The following BBS4 variants were observed in gnomAD, a reference collection of about 807,000 sequenced individuals.
The protein encoded by BBS4 is BBSome complex member BBS4.
BBS4 carries 58 observed loss-of-function variants against 71.4 expected under a neutral mutation model. The observed-to-expected ratio is 0.81, with a 90% CI of 0.66 to 1.01. The LOEUF (loss-of-function observed/expected upper bound fraction) is 1.01, where lower values mean the gene tolerates loss of function less well. Ranked by LOEUF, BBS4 falls within the 50% of genes least tolerant of loss-of-function variation. BBS4 has a pLI of 0.00. For missense variants in BBS4, 660 were observed against 607.9 expected (o/e 1.09, Z -0.90); for synonymous variants, 228 against 216.8 (o/e 1.05, Z -0.46).
intron 2 of BBS4, among the ~76,000 whole-genome samples, chr15:72,704,036 A>AG (rs1298319197): frequency 6.6e-6 from 1 of 152,058 alleles, no homozygotes; most frequent in Non-Finnish European, 1.5e-5. Flanking sequence ...GCATCCTTAA[A>AG]GGGAGAAAGA....
chr15:72,731,359 C>G lies in BBS4; in HGVS notation c.766C>G (p.Leu256Val), dbSNP rs762950416. 6.2e-7 allele frequency: 1 copy of G among 1,614,130 alleles called. No homozygotes were observed. Among genetic ancestry groups the G allele is most frequent in the Non-Finnish European group, 8.5e-7 (1 of 1,180,032 alleles). ...GACCCACGGGGACTTTGATGTTGCC[C>G]TCACCAAATACAGAGTTGTGGCTTG... is the stretch of plus-strand genomic sequence containing the variant. ...MQTHGDFDVA[L>V]TKYRVVACAV... Residue 256 changes from leucine to valine, a missense_variant, in exon 11 of 16, where the codon CTC becomes GTC. Leu to Val is a conservative substitution (Grantham distance 32). Transcript: ENST00000268057.
Position 72,735,836 on chromosome 15 carries a change from T to G in BBS4, c.1118T>G (p.Leu373Ter). ...EAVHLDKCNP[L>*]VNLNYAVLLY... ...TCTGTCTGCCACAGGTGTAACCCTT[T>G]AGTAAACCTGAACTATGCTGTGCTG... Residue 373 changes from leucine (L) to a stop codon, truncating the protein, a stop_gained, in exon 14 of 16, where the codon TTA (leucine) becomes TGA (stop). Coordinates refer to ENST00000268057, the MANE Select transcript of BBS4 (RefSeq NM_033028.5). LOFTEE classifies it high-confidence loss of function. 1 of 1,614,194 alleles carries G rather than the reference T, an allele frequency of 6.2e-7. No homozygotes were observed. The highest frequency in any genetic ancestry group is 8.5e-7 in the Non-Finnish European group (1 of 1,180,020).
rs1405146451 is a variant in BBS4, at chr15:72,737,876, G to GGT, written c.*290_*291dup. Reference sequence around the variant, plus strand: ...CTTATGTATGTAGCTGAGTCAGCAAGGTACATGATGCTGTCTGCTTTCAAA... The same window carrying GGT: ...CTTATGTATGTAGCTGAGTCAGCAAGGTGTACATGATGCTGTCTGCTTTCAAA... On this transcript the variant is annotated 3_prime_UTR_variant, in exon 16 of 16. Transcript: ENST00000268057. 1 of 474,106 alleles carries GGT rather than the reference G, an allele frequency of 2.1e-6. No homozygotes were observed. The highest frequency in any genetic ancestry group is 4.2e-6 in the Non-Finnish European group (1 of 240,200). 29.4% of individuals were successfully genotyped at this position (474,106 alleles called of 1,614,324 possible). A position where few individuals can be genotyped will look rare whatever the true frequency, so the allele number is the denominator to read the frequency against.
At position 72,729,681 on chromosome 15, in the gene BBS4, C is replaced by T. The variant is rs770211437; in HGVS notation, c.708C>T (p.Tyr236=). ...GNALTYDPTN[Y]KAILAAGSMM... ...CACTGACTTATGACCCTACCAACTA[C>T]AAGGTATTACAGGCTGTGAAGGCTC... The change falls in exon 10 of 16, where the codon TAC becomes TAT. Residue 236 remains tyrosine (Y), a synonymous_variant. Transcript: ENST00000268057. 4.3e-6 allele frequency: 7 copies of T among 1,613,746 alleles called. No homozygotes were observed. The highest frequency in any genetic ancestry group is 3.3e-5 in the Admixed American group (2 of 60,034).
chr15:72,727,959 G>C lies in BBS4; in HGVS notation c.607G>C (p.Glu203Gln), dbSNP rs1447924880. The C allele has an allele frequency of 6.2e-7, 1 of 1,612,872 alleles. No individual in the cohort carries two copies. Among genetic ancestry groups the C allele is most frequent in the East Asian group, 2.2e-5 (1 of 44,862 alleles). ...KAVEFSPENT[E>Q]LLTTLGLLYL... is the part of the protein sequence containing the mutation. ...TTGCAGGTTCTCACCAGAAAATACA[G>C]AGCTTCTTACAACTTTAGGATTACT... The change falls in exon 9 of 16, where the codon GAG (glutamate) becomes CAG (glutamine). Residue 203 changes from glutamate to glutamine, a missense_variant. Transcript: ENST00000268057.
intron 13 of BBS4, 133 bp from the exon 14 acceptor site, chr15:72,735,692 T>G (rs1189349793): frequency 4.4e-6 from 5 of 1,133,550 alleles, no homozygotes; most frequent in Non-Finnish European, 6.6e-6. Context: ...TTAGCACGTA[T>G]GTACCTACCT....
In BBS4 at chr15:72,715,499, G is replaced by A; in HGVS notation, c.332+97G>A. On this transcript the variant is annotated intron_variant, in intron 5 of 15. Coordinates refer to ENST00000268057, the MANE Select transcript of BBS4 (RefSeq NM_033028.5). Reference sequence around the variant, plus strand: ...CTGCTGCTGGCAGCTGCATCAGCCTGATACACAAGTGGGGGAATGGTTTAA... The same window carrying A: ...CTGCTGCTGGCAGCTGCATCAGCCTAATACACAAGTGGGGGAATGGTTTAA... 3.6e-6 allele frequency: 3 copies of A among 838,802 alleles called. No individual in the cohort carries two copies. In the Admixed American group the frequency reaches 5.2e-5, roughly 15 times the overall value. The allele number at this position is 838,802 out of a possible 1,614,324, so 52.0% of individuals were successfully genotyped here.
chr15:72,710,195 GTT>G lies in BBS4; in HGVS notation c.156+440_156+441del, dbSNP rs66684005. 3.9e-4 allele frequency among the ~76,000 whole-genome samples: 40 copies of G among 103,436 alleles called. 3 individuals carry two copies. The highest frequency in any genetic ancestry group is 9.7e-4 in the Admixed American group (8 of 8,228). 67.9% of individuals were successfully genotyped at this position (103,436 alleles called of 152,430 possible). A position where few individuals can be genotyped will look rare whatever the true frequency, so the allele number is the denominator to read the frequency against. ...TAGATGAAAAATGGTATTTTGTCGA[GTT>G]TTTTTTTTTTTTTTTTTTTTTTTGA... On this transcript the variant is annotated intron_variant, in intron 3 of 15. Transcript: ENST00000268057.
chr15:72,728,449 G>A (rs2065743925), intron 9 of BBS4, among the ~76,000 whole-genome samples: 1 of 151,960 alleles, frequency 6.6e-6, no homozygotes, highest in Non-Finnish European at 1.5e-5. Flanking sequence ...AGTGAGCTGA[G>A]ATTGAGTCAC....
chr15:72,737,023 C>G, intron 15 of BBS4, 60 bp downstream of exon 15: 3 of 1,558,274 alleles, frequency 1.9e-6, no homozygotes. Context: ...TGTCTGTCAG[C>G]AGAGATTATA....
intron 2 of BBS4, among the ~76,000 whole-genome samples, chr15:72,701,734 A>G (rs1441081490): frequency 6.6e-6 from 1 of 152,168 alleles, no homozygotes; most frequent in Non-Finnish European, 1.5e-5. Flanking sequence ...GTAAGTATGT[A>G]TTTTTAAGAA....
intron 1 of BBS4, among the ~76,000 whole-genome samples, chr15:72,693,584 T>G (rs1361281426): frequency 1.3e-5 from 2 of 152,228 alleles, no homozygotes; most frequent in African/African-American, 2.4e-5. Flanking sequence ...TGTGGGTATG[T>G]TCTCACAAAT....
chr15:72,722,816 T>A lies in BBS4; in HGVS notation c.428T>A (p.Val143Asp), dbSNP rs2065601390. Residue 143 changes from valine to aspartate, a missense_variant, in exon 7 of 16, where the codon GTT becomes GAT. Transcript: ENST00000268057. ...TAGGAGATCAGCCATAACCTAGGAG[T>A]TTGCTACATATACCTGAAGCAGTTC... ...KDWEISHNLG[V>D]CYIYLKQFNK... The A allele has an allele frequency of 3.1e-6, 5 of 1,613,930 alleles. No homozygotes were observed. The highest frequency in any genetic ancestry group is 4.2e-6 in the Non-Finnish European group (5 of 1,179,922).
intron 1 of BBS4, among the ~76,000 whole-genome samples, chr15:72,688,046 C>CAAAAA (rs199931617): frequency 3.3e-4 from 28 of 84,900 alleles, no homozygotes; most frequent in Middle Eastern, 7.8e-3. Context: ...GACTCCGTCT[C>CAAAAA]AAAAAAAAAA....
chr15:72,733,075 G>GT (rs2065855531), intron 12 of BBS4, among the ~76,000 whole-genome samples: 1 of 152,186 alleles, frequency 6.6e-6, no homozygotes, highest in Admixed American at 6.5e-5. Flanking sequence ...AGGTACTCTT[G>GT]TAGGGGTTAT....
chr15:72,713,872 G>A (rs1167775162), intron 4 of BBS4, among the ~76,000 whole-genome samples: 1 of 152,070 alleles, frequency 6.6e-6, no homozygotes, highest in Non-Finnish European at 1.5e-5. Flanking sequence ...GTTCCAGAAA[G>A]GTTTTATTCA....
At chr15:72,736,045 T>TCC (rs2065916805) in intron 14 of BBS4, 79 bp downstream of exon 14, 4 of 1,533,170 alleles carry the variant, frequency 2.6e-6, no homozygotes, top group Non-Finnish European at 3.6e-6. Context: ...ATCATCCAAA[T>TCC]CCAAGGTATT....
intron 5 of BBS4, among the ~76,000 whole-genome samples, chr15:72,716,337 T>C (rs1165420321): frequency 4.6e-5 from 7 of 152,206 alleles, no homozygotes; most frequent in Admixed American, 1.3e-4. Flanking sequence ...TGTTTTTGCA[T>C]AGAGCTTGGT....
chr15:72,729,515 G>A (rs941052401), intron 9 of BBS4, 101 bp from the exon 10 acceptor site: 14 of 1,097,082 alleles, frequency 1.3e-5, no homozygotes, highest in Admixed American at 1.7e-5. Flanking sequence ...CTCCCAAAGT[G>A]CTGGGATTAT....
Sources: gnomAD v4.1 joint callset for allele counts (sites outside exome capture counted in the v4.1 genomes callset) on GRCh38, gnomAD v4.1.1 for gene constraint, MANE v1.5 for transcripts, NCBI Gene and HGNC (gene_info 2026-07-23, HGNC 2026-07-21) for gene names.